DLG2: variants seen among roughly 807,000 people sequenced by gnomAD.
DLG2 encodes discs large MAGUK scaffold protein 2.
In DLG2, 45 loss-of-function variants were observed where a neutral mutation model predicts 132.5. The ratio of observed to expected loss-of-function variants is 0.34; its 90% CI spans 0.27 to 0.44. The LOEUF is 0.44. Ranked by LOEUF, DLG2 falls within the 20% of genes least tolerant of loss-of-function variation. The pLI is 1.00. For synonymous variants in DLG2, 424 were observed against 419.6 expected (o/e 1.01, Z -0.13); for missense variants, 1,045 against 1,196.9 (o/e 0.87, Z 1.87).
At chr11:83,925,751 T>A (rs1402147597) in intron 15 of DLG2, among the ~76,000 whole-genome samples, 3 of 152,084 alleles carry the variant, frequency 2.0e-5, no homozygotes, top group Admixed American at 6.6e-5. Context: ...TAACAATAAT[T>A]AGGACCTTTT....
chr11:84,091,247 G>A (rs890145018), intron 10 of DLG2, among the ~76,000 whole-genome samples: 8 of 152,106 alleles, frequency 5.3e-5, no homozygotes, highest in East Asian at 3.8e-4. Context: ...CATCTAAACC[G>A]CCATGTGCTC....
intron 8 of DLG2, among the ~76,000 whole-genome samples, chr11:84,220,979 T>A (rs943047439): frequency 1.3e-5 from 2 of 150,810 alleles, no homozygotes; most frequent in African/African-American, 4.9e-5. Context: ...TTTACTTTTT[T>A]TTTTGGTAGA....
intron 6 of DLG2, among the ~76,000 whole-genome samples, chr11:84,585,042 T>G (rs572402315): frequency 1.3e-5 from 2 of 152,264 alleles, no homozygotes; most frequent in East Asian, 3.9e-4. Context: ...TGGTTCATGA[T>G]TTTTTTAAGA....
intron 20 of DLG2, among the ~76,000 whole-genome samples, chr11:83,534,931 AG>A (rs1652057353): frequency 6.6e-6 from 1 of 152,266 alleles, no homozygotes; most frequent in South Asian, 2.1e-4. Context: ...TGACACAGCG[AG>A]ACTTCGTCTC....
At chr11:84,880,251 T>G (rs1337469303) in intron 6 of DLG2, among the ~76,000 whole-genome samples, 1 of 151,960 alleles carries the variant, frequency 6.6e-6, no homozygotes, top group African/African-American at 2.4e-5. Flanking sequence ...GAAAGTTGGC[T>G]CTCCCCTGCC....
chr11:84,162,832 T>C (rs949660374), intron 9 of DLG2, among the ~76,000 whole-genome samples: 14 of 152,290 alleles, frequency 9.2e-5, no homozygotes, highest in African/African-American at 3.1e-4. Flanking sequence ...TGGCTTTTTC[T>C]TTTTTAATGA....
At chr11:83,749,404 T>C (rs1300241691) in intron 18 of DLG2, among the ~76,000 whole-genome samples, 2 of 152,188 alleles carry the variant, frequency 1.3e-5, no homozygotes, top group African/African-American at 4.8e-5. Flanking sequence ...ATCCTGGCTT[T>C]GAAACAGTCT....
chr11:83,930,597 G>C, intron 14 of DLG2, 114 bp from the exon 15 acceptor site: 1 of 1,115,998 alleles, frequency 9.0e-7, no homozygotes, highest in Admixed American at 2.8e-5. Context: ...ATTTTATCTT[G>C]ATTTGTTACT....
chr11:84,056,256 A>G (rs1945811), intron 11 of DLG2, among the ~76,000 whole-genome samples: 106,356 of 151,844 alleles, frequency 0.7, 38,053 homozygotes, highest in Non-Finnish European at 0.79. Flanking sequence ...CCTGGTGTGT[A>G]AAGTTCCCCT....
At chr11:84,079,278 G>GTTTTTTT (rs34283629) in intron 10 of DLG2, among the ~76,000 whole-genome samples, 9 of 147,216 alleles carry the variant, frequency 6.1e-5, no homozygotes, top group East Asian at 2.0e-4. Context: ...TTTTTGGTTT[G>GTTTTTTT]TTTTTTTTTT....
chr11:85,228,417 C>G (rs1373595455), intron 4 of DLG2, among the ~76,000 whole-genome samples: 2 of 152,092 alleles, frequency 1.3e-5, no homozygotes, highest in Non-Finnish European at 2.9e-5. Flanking sequence ...GAGAACACTT[C>G]AGAACTAGTT....
At chr11:85,028,421 C>A (rs1031917605) in intron 6 of DLG2, among the ~76,000 whole-genome samples, 6 of 152,130 alleles carry the variant, frequency 3.9e-5, no homozygotes, top group Non-Finnish European at 8.8e-5. Context: ...GAGGCTTCAC[C>A]GGGAACCTAC....
chr11:85,471,207 G>A (rs2092973493), intron 3 of DLG2, among the ~76,000 whole-genome samples: 1 of 152,188 alleles, frequency 6.6e-6, no homozygotes, highest in African/African-American at 2.4e-5. Flanking sequence ...AATTGGGCAA[G>A]AAGAACGAAT....
chr11:83,596,361 T>C (rs373597865), intron 19 of DLG2, among the ~76,000 whole-genome samples: 41 of 152,332 alleles, frequency 2.7e-4, no homozygotes, highest in African/African-American at 5.3e-4. Flanking sequence ...AGGCTCATCA[T>C]TGACTTCTCC....
intron 7 of DLG2, among the ~76,000 whole-genome samples, chr11:84,515,656 A>T (rs1048383898): frequency 6.6e-5 from 10 of 151,840 alleles, no homozygotes; most frequent in Non-Finnish European, 5.9e-5. Flanking sequence ...TTATCACCCC[A>T]CTTTTAACAA....
intron 3 of DLG2, among the ~76,000 whole-genome samples, chr11:85,389,662 T>C (rs528819833): frequency 6.6e-6 from 1 of 152,202 alleles, no homozygotes; most frequent in Non-Finnish European, 1.5e-5. Context: ...GCAGTTTTCT[T>C]GGCAGAAACT....
intron 6 of DLG2, among the ~76,000 whole-genome samples, chr11:84,988,207 T>A (rs1036160160): frequency 2.6e-5 from 4 of 152,204 alleles, no homozygotes; most frequent in African/African-American, 9.6e-5. Context: ...ACCTTACTCC[T>A]GCAAGAATGG....
intron 3 of DLG2, among the ~76,000 whole-genome samples, chr11:85,486,629 CAT>C (rs1400746627): frequency 2.6e-5 from 4 of 152,142 alleles, no homozygotes; most frequent in Non-Finnish European, 5.9e-5. Flanking sequence ...CCCACACACA[CAT>C]GGTACCAGCA....
intron 9 of DLG2, among the ~76,000 whole-genome samples, chr11:84,149,060 G>A (rs7948263): frequency 0.74 from 111,739 of 151,926 alleles, 42,348 homozygotes; most frequent in Middle Eastern, 0.87. Context: ...ACATTTTAGT[G>A]GAGTTATTTG....
Sources: gnomAD v4.1 joint callset for allele counts (sites outside exome capture counted in the v4.1 genomes callset) on GRCh38, gnomAD v4.1.1 for gene constraint, MANE v1.5 for transcripts, NCBI Gene and HGNC (gene_info 2026-07-23, HGNC 2026-07-21) for gene names.